ZFPM1: variants seen among roughly 807,000 people sequenced by gnomAD.
ZFPM1 encodes zinc finger protein ZFPM1.
ZFPM1 carries 28 observed loss-of-function variants against 46.3 expected under a neutral mutation model. The ratio of observed to expected loss-of-function variants is 0.60; its 90% confidence interval spans 0.45 to 0.83. The LOEUF (loss-of-function observed/expected upper bound fraction) is 0.83. Ranked by LOEUF, ZFPM1 falls within the 40% of genes least tolerant of loss-of-function variation. The pLI is 0.00. For missense variants in ZFPM1, 1,878 were observed against 1,432.4 expected (o/e 1.31, Z -5.02); for synonymous variants, 957 against 675.9 (o/e 1.42, Z -6.45).
intron 2 of ZFPM1, among the ~76,000 whole-genome samples, chr16:88,487,822 C>T (rs769723307): frequency 2.7e-4 from 41 of 152,296 alleles, no homozygotes; most frequent in Non-Finnish European, 4.4e-4. Flanking sequence ...AGGGCTGGGG[C>T]CGCCATCTCC....
intron 4 of ZFPM1, among the ~76,000 whole-genome samples, chr16:88,514,907 T>C (rs1041909128): frequency 2.0e-5 from 3 of 152,158 alleles, no homozygotes; most frequent in Non-Finnish European, 4.4e-5. Context: ...TAGTTCTGTG[T>C]CTGTCCCCGC....
chr16:88,490,293 C>A (rs1352485715), intron 3 of ZFPM1, among the ~76,000 whole-genome samples: 1 of 152,158 alleles, frequency 6.6e-6, no homozygotes, highest in Non-Finnish European at 1.5e-5. Flanking sequence ...ACCTCGTGAT[C>A]CGCCCGCCTC....
intron 3 of ZFPM1, among the ~76,000 whole-genome samples, chr16:88,491,289 G>A (rs893378571): frequency 2.6e-5 from 4 of 152,286 alleles, no homozygotes; most frequent in South Asian, 4.1e-4. Context: ...CCTCGGGCCC[G>A]CAGAGCTCCC....
intron 3 of ZFPM1, among the ~76,000 whole-genome samples, chr16:88,496,583 C>T (rs766027352): frequency 4.0e-5 from 6 of 151,852 alleles, no homozygotes; most frequent in Non-Finnish European, 8.8e-5. Context: ...GACCCTGAAG[C>T]CCCCACCTGG....
At position 88,461,220 on chromosome 16, in the gene ZFPM1, G is replaced by A. The variant is rs148462928; in HGVS notation, c.40+7542G>A. Among the ~76,000 whole-genome samples, 607 of 116,078 alleles carry A rather than the reference G, an allele frequency of 5.2e-3. 16 individuals carry two copies. Among genetic ancestry groups the A allele is most frequent in the African/African-American group, 0.023 (539 of 23,280 alleles). The allele number at this position is 116,078 out of a possible 152,430, so 76.2% of individuals were successfully genotyped here. A position where few individuals can be genotyped will look rare whatever the true frequency, so the allele number is the denominator to read the frequency against. On this transcript the variant is annotated intron_variant, in intron 1 of 9. Coordinates refer to ENST00000319555, the MANE Select transcript of ZFPM1 (RefSeq NM_153813.3). ...CCTGGTGAGGACCCAGGGGCGGGAG[G>A]CCTGGTGAGGACCCAGGGGTGGGGC...
In ZFPM1 at chr16:88,486,015, A is replaced by C. The variant is rs764251758; in HGVS notation, c.117A>C (p.Ala39=). The change falls in exon 2 of 10, where the codon GCA becomes GCC. Residue 39 remains alanine, a synonymous_variant. Transcript: ENST00000319555. ...GCCACATGGAGCAAAAGGCCACGGC[A>C]CCTGAAGCCCCGAGCCCTCCCAGCG... The part of the protein sequence containing the change: ...GASHMEQKAT[A]PEAPSPPSAD... 12 of 1,612,520 alleles carry C rather than the reference A, an allele frequency of 7.4e-6. No individual in the cohort carries two copies. The highest frequency in any genetic ancestry group is 1.0e-5 in the Non-Finnish European group (12 of 1,179,882).
rs1179061888 is a variant in ZFPM1, at chr16:88,497,869, A to C, written c.268+8716A>C. Among the ~76,000 whole-genome samples, 1 of 152,048 alleles carries C rather than the reference A, an allele frequency of 6.6e-6. No individual in the cohort carries two copies. Among genetic ancestry groups the C allele is most frequent in the Non-Finnish European group, 1.5e-5 (1 of 68,008 alleles). ...TCCATCTGACTAATCTCGCCGGCGG[A>C]GCGTCTACGCAAACCTCAAGGCCTG... On this transcript the variant is annotated intron_variant, in intron 3 of 9. Coordinates refer to ENST00000319555, the MANE Select transcript of ZFPM1 (RefSeq NM_153813.3). This position sits in a 1 kb window ranked among gnomAD's most constrained non-coding sequence, Gnocchi z 5.4.
Position 88,533,868 on chromosome 16 carries a change from C to A in ZFPM1, c.1910C>A (p.Ser637Ter). 1 of 988,662 alleles carries A rather than the reference C, an allele frequency of 1.0e-6. No individual in the cohort carries two copies. The highest frequency in any genetic ancestry group is 1.2e-6 in the Non-Finnish European group (1 of 833,860). 61.2% of individuals were successfully genotyped at this position (988,662 alleles called of 1,614,324 possible). A position where few individuals can be genotyped will look rare whatever the true frequency, so the allele number is the denominator to read the frequency against. Residue 637 changes from serine to a stop codon, truncating the protein, a stop_gained, in exon 10 of 10, where the codon TCG becomes TAG. Transcript: ENST00000319555. LOFTEE classifies it low-confidence loss of function (END_TRUNC). The stretch of plus-strand genomic sequence containing the variant: ...CCCGCCGAACCCGACGCGCCGCGCT[C>A]GTCCCCGGGCCCCGGAGCGCGCGAG... Reference protein sequence around the residue: ...GQPAEPDAPRSSPGPGAREEG... With the variant: ...GQPAEPDAPR
At position 88,492,029 on chromosome 16, in the gene ZFPM1, A is replaced by ATCTCTGCCTTCTGTCTCCAGACCC. The variant is rs1333090699; in HGVS notation, c.268+2882_268+2905dup. Among the ~76,000 whole-genome samples, 4 of 152,036 alleles carry ATCTCTGCCTTCTGTCTCCAGACCC rather than the reference A, an allele frequency of 2.6e-5. No individual in the cohort carries two copies. The East Asian group carries it at 7.8e-4, about 30-fold the overall frequency. On this transcript the variant is annotated intron_variant, in intron 3 of 9. Coordinates refer to ENST00000319555, the MANE Select transcript of ZFPM1 (RefSeq NM_153813.3). ...CACATTTGCCCTGCTCCTCCTGAGC[A>ATCTCTGCCTTCTGTCTCCAGACCC]TCTCTGCCTTCTGTCTCCAGACCCT...
At chr16:88,494,063 G>A (rs1457211712) in intron 3 of ZFPM1, among the ~76,000 whole-genome samples, 2 of 152,202 alleles carry the variant, frequency 1.3e-5, no homozygotes, top group African/African-American at 4.8e-5. Flanking sequence ...GCCTCCACGA[G>A]GAGGGGGACT....
At chr16:88,530,386 C>T (rs984313578) in intron 6 of ZFPM1, 8 of 152,342 alleles carry the variant, frequency 5.3e-5, no homozygotes, top group African/African-American at 1.9e-4. Flanking sequence ...CAGCAGTGTC[C>T]TGGGAACGCT....
intron 3 of ZFPM1, among the ~76,000 whole-genome samples, chr16:88,502,114 C>A (rs926519423): frequency 1.6e-5 from 2 of 124,064 alleles, no homozygotes; most frequent in African/African-American, 3.1e-5. Flanking sequence ...TTATTTATCT[C>A]TCCTCCTTCT....
At chr16:88,472,991 C>G (rs1452300951) in intron 1 of ZFPM1, among the ~76,000 whole-genome samples, 1 of 152,256 alleles carries the variant, frequency 6.6e-6, no homozygotes, top group African/African-American at 2.4e-5. Context: ...CTGGACCCCA[C>G]CAGGACGAGG....
At chr16:88,476,646 TG>T (rs1908700696) in intron 1 of ZFPM1, among the ~76,000 whole-genome samples, 1 of 151,636 alleles carries the variant, frequency 6.6e-6, no homozygotes, top group Non-Finnish European at 1.5e-5. Flanking sequence ...GGTGAGGGGT[TG>T]GGGGCTGCTT....
chr16:88,528,101 C>T lies in ZFPM1; in HGVS notation c.575C>T (p.Ala192Val), dbSNP rs1158717099. 1 of 1,580,202 alleles carries T rather than the reference C, an allele frequency of 6.3e-7. No homozygotes were observed. The highest frequency in any genetic ancestry group is 1.8e-5 in the Admixed American group (1 of 55,356). Residue 192 changes from alanine (A) to valine (V), a missense_variant, in exon 6 of 10, where the codon GCC becomes GTC. Transcript: ENST00000319555. Reference sequence around the variant, plus strand: ...GGACTCCTGAGCGTGCTCCTCACGGCCGAGCCCCACAGCACCCCCGGCCAC... The same window carrying T: ...GGACTCCTGAGCGTGCTCCTCACGGTCGAGCCCCACAGCACCCCCGGCCAC... Reference protein sequence around the residue: ...AGGLLSVLLTAEPHSTPGHPV... With the variant: ...AGGLLSVLLTVEPHSTPGHPV...
At chr16:88,482,479 G>A (rs189179285) in intron 1 of ZFPM1, among the ~76,000 whole-genome samples, 12 of 152,022 alleles carry the variant, frequency 7.9e-5, no homozygotes, top group African/African-American at 2.7e-4. Context: ...TCATCACCAC[G>A]GCTTTGTGTG....
rs200573089 is a variant in ZFPM1 at position 88,533,990 on chromosome 16, G to A, written c.2032G>A (p.Asp678Asn). The A allele has an allele frequency of 6.4e-4, 868 of 1,360,606 alleles. 12 individuals carry two copies. The South Asian group carries it at 8.3e-3, about 13-fold the overall frequency. 84.3% of individuals were successfully genotyped at this position (1,360,606 alleles called of 1,614,324 possible). Residue 678 changes from aspartate (D) to asparagine (N), a missense_variant, in exon 10 of 10, where the codon GAC becomes AAC. Coordinates refer to ENST00000319555, the MANE Select transcript of ZFPM1 (RefSeq NM_153813.3). ...SPGSSVDDAE[D>N]DPSRTLCEAC... ...GGGTAGCTCCGTGGACGACGCGGAG[G>A]ACGACCCCAGCCGCACGCTGTGCGA...
chr16:88,530,156 G>A (rs958139454), intron 6 of ZFPM1, among the ~76,000 whole-genome samples: 3 of 152,160 alleles, frequency 2.0e-5, no homozygotes, highest in African/African-American at 4.8e-5. Flanking sequence ...GTAGTGTCTC[G>A]GGGTGCCCGG....
intron 3 of ZFPM1, among the ~76,000 whole-genome samples, chr16:88,501,092 G>A (rs930117257): frequency 3.4e-5 from 5 of 146,750 alleles, no homozygotes; most frequent in Non-Finnish European, 4.5e-5. Flanking sequence ...GGGCCCTCCC[G>A]CAGGTGCTGG....
Sources: gnomAD v4.1 joint callset for allele counts (sites outside exome capture counted in the v4.1 genomes callset) on GRCh38, gnomAD v4.1.1 for gene constraint, Gnocchi (gnomAD v3.1) non-coding constraint, MANE v1.5 for transcripts, NCBI Gene and HGNC (gene_info 2026-07-23, HGNC 2026-07-21) for gene names.